Variants in CAMK1D observed in about 807,000 individuals in gnomAD.
CAMK1D encodes the protein calcium/calmodulin-dependent protein kinase type 1D.
CAMK1D carries 9 observed loss-of-function variants against 47.7 expected under a neutral mutation model. That is an observed-to-expected ratio of 0.19 (90% CI 0.11 to 0.33). The LOEUF is 0.33. Among genes scored for constraint, CAMK1D ranks in the 10% least tolerant of loss-of-function variants. The probability of loss-of-function intolerance (pLI) is 1.00; values close to 1 mark genes in which losing one functional copy is unlikely to be tolerated. For missense variants in CAMK1D, 291 were observed against 488.7 expected, an observed-to-expected ratio of 0.60 and a Z score of 3.81; for synonymous variants, 184 against 184.9, an observed-to-expected ratio of 0.99 and a Z score of 0.04.
intron 8 of CAMK1D, among the ~76,000 whole-genome samples, chr10:12,822,033 G>A (rs1314915576): frequency 2.0e-5 from 3 of 152,136 alleles, no homozygotes; most frequent in Non-Finnish European, 2.9e-5. Context: ...CACCCATAGC[G>A]TTGCCTAAGT....
intron 6 of CAMK1D, among the ~76,000 whole-genome samples, chr10:12,799,083 T>A (rs548168111): frequency 1.9e-4 from 29 of 152,144 alleles, no homozygotes; most frequent in Non-Finnish European, 4.0e-4. Context: ...GATTCCATCG[T>A]ACACCAGCAA....
At chr10:12,749,558 G>GTGT (rs1564534287) in intron 3 of CAMK1D, among the ~76,000 whole-genome samples, 1 of 136,132 alleles carries the variant, frequency 7.3e-6, no homozygotes, top group African/African-American at 2.9e-5. Flanking sequence ...TTTTTTGTTT[G>GTGT]TTTGTTTGTT....
intron 6 of CAMK1D, among the ~76,000 whole-genome samples, chr10:12,792,415 T>G (rs978585848): frequency 6.6e-6 from 1 of 152,276 alleles, no homozygotes; most frequent in Non-Finnish European, 1.5e-5. Flanking sequence ...CCAACTTGTT[T>G]CTGCAATTGC....
chr10:12,588,808 ACATACACACATG>A (rs1293973462), intron 2 of CAMK1D, among the ~76,000 whole-genome samples: 7 of 144,866 alleles, frequency 4.8e-5, no homozygotes, highest in African/African-American at 8.5e-5. Flanking sequence ...ACACACACAC[ACATACACACATG>A]CACATACATA....
intron 3 of CAMK1D, among the ~76,000 whole-genome samples, chr10:12,695,979 G>C (rs1358268190): frequency 6.6e-6 from 1 of 152,128 alleles, no homozygotes; most frequent in East Asian, 1.9e-4. Context: ...TTGGGAGGCT[G>C]AGGCAGGAGA....
chr10:12,493,135 G>C lies in CAMK1D; in HGVS notation c.93-60090G>C, dbSNP rs186539972. Among the ~76,000 whole-genome samples the C allele has an allele frequency of 1.9e-3, 292 of 152,324 alleles. 2 individuals are homozygous for C. Among genetic ancestry groups the C allele is most frequent in the Non-Finnish European group, 9.3e-4 (63 of 68,040 alleles). On this transcript the variant is annotated intron_variant, in intron 1 of 10. Coordinates refer to ENST00000619168, the MANE Select transcript of CAMK1D (RefSeq NM_153498.4). ...AAATCTTTTCATGACACGGTTTCTAGAAACAACCCTCTGCGGTCACCAGTC... is the reference window on the plus strand; with the variant it reads ...AAATCTTTTCATGACACGGTTTCTACAAACAACCCTCTGCGGTCACCAGTC...
chr10:12,794,468 C>T (rs769610962), intron 6 of CAMK1D, among the ~76,000 whole-genome samples: 43 of 152,144 alleles, frequency 2.8e-4, no homozygotes, highest in Admixed American at 7.9e-4. Context: ...GAGATCCTGG[C>T]ACGTACTTCT....
In CAMK1D at chr10:12,726,264, A is replaced by C. The variant is rs371373670; in HGVS notation, c.300-34684A>C. 1.6e-4 allele frequency among the ~76,000 whole-genome samples: 24 copies of C among 151,872 alleles called. No homozygotes were observed. In the East Asian group the frequency reaches 3.2e-3, roughly 20 times the overall value. On this transcript the variant is annotated intron_variant, in intron 3 of 10. Transcript: ENST00000619168. ...CATGGTGAAACCCTGTTTCTACTAAAATATAAAAAATTAGCTGGGCATAGT... is the reference window on the plus strand; with the variant it reads ...CATGGTGAAACCCTGTTTCTACTAACATATAAAAAATTAGCTGGGCATAGT...
At chr10:12,561,087 T>C (rs902486321) in intron 2 of CAMK1D, among the ~76,000 whole-genome samples, 14 of 152,030 alleles carry the variant, frequency 9.2e-5, no homozygotes, top group South Asian at 4.2e-4. Context: ...CTAATTGTTT[T>C]GTATTTTTTT....
intron 4 of CAMK1D, among the ~76,000 whole-genome samples, chr10:12,768,328 T>C (rs1241643339): frequency 2.0e-5 from 3 of 152,196 alleles, no homozygotes; most frequent in Non-Finnish European, 4.4e-5. Context: ...TCCCTCCGGC[T>C]TAGTGATTTT....
intron 2 of CAMK1D, among the ~76,000 whole-genome samples, chr10:12,638,739 A>T (rs1045495516): frequency 6.6e-6 from 1 of 152,176 alleles, no homozygotes; most frequent in Non-Finnish European, 1.5e-5. Flanking sequence ...ATTGCATCCC[A>T]CGTAGGCTGT....
At chr10:12,474,354 C>T (rs1308471178) in intron 1 of CAMK1D, among the ~76,000 whole-genome samples, 1 of 151,840 alleles carries the variant, frequency 6.6e-6, no homozygotes, top group African/African-American at 2.4e-5. Context: ...ACCACGCCTG[C>T]CTAATTTTTT....
At chr10:12,444,249 C>T (rs1004968839) in intron 1 of CAMK1D, among the ~76,000 whole-genome samples, 2 of 152,118 alleles carry the variant, frequency 1.3e-5, no homozygotes, top group African/African-American at 4.8e-5. Flanking sequence ...GGAATGCAGC[C>T]CAGTAGGTCT....
At chr10:12,383,390 A>G (rs993498273) in intron 1 of CAMK1D, among the ~76,000 whole-genome samples, 2 of 152,200 alleles carry the variant, frequency 1.3e-5, no homozygotes, top group African/African-American at 4.8e-5. Flanking sequence ...CATGCTCAGA[A>G]TAAAGCCTTT....
intron 3 of CAMK1D, among the ~76,000 whole-genome samples, chr10:12,738,557 G>T (rs1263237645): frequency 1.3e-5 from 2 of 152,186 alleles, no homozygotes; most frequent in African/African-American, 2.4e-5. Context: ...TTCTGGCCAG[G>T]TGCAGTGGCT....
chr10:12,702,337 C>A (rs4623785), intron 3 of CAMK1D, among the ~76,000 whole-genome samples: 6 of 152,188 alleles, frequency 3.9e-5, no homozygotes, highest in South Asian at 4.1e-4. Context: ...AGCTAAGCCC[C>A]TGTTAAATAT....
chr10:12,696,201 T>C (rs1013987106), intron 3 of CAMK1D, among the ~76,000 whole-genome samples: 5 of 152,156 alleles, frequency 3.3e-5, no homozygotes, highest in Non-Finnish European at 7.4e-5. Flanking sequence ...TTTTCAATAA[T>C]TGTCCTGGGG....
intron 1 of CAMK1D, among the ~76,000 whole-genome samples, chr10:12,501,770 C>A (rs1375296347): frequency 6.6e-6 from 1 of 152,108 alleles, no homozygotes; most frequent in Non-Finnish European, 1.5e-5. Flanking sequence ...TAATGCACAG[C>A]ACAGCCTCCC....
intron 1 of CAMK1D, among the ~76,000 whole-genome samples, chr10:12,532,381 G>A (rs974241163): frequency 2.7e-5 from 4 of 150,880 alleles, no homozygotes; most frequent in Non-Finnish European, 4.4e-5. Context: ...CTGGGTTCAC[G>A]CCATTCTCCT....
Sources: gnomAD v4.1 joint callset for allele counts (sites outside exome capture counted in the v4.1 genomes callset) on GRCh38, gnomAD v4.1.1 for gene constraint, MANE v1.5 for transcripts, NCBI Gene and HGNC (gene_info 2026-07-23, HGNC 2026-07-21) for gene names.